The following SLCO3A1 variants were observed in gnomAD, a reference collection of about 807,000 sequenced individuals.
The protein encoded by SLCO3A1 is solute carrier organic anion transporter family member 3A1.
In SLCO3A1, 27 loss-of-function variants were observed where a neutral mutation model predicts 63.1. The observed-to-expected ratio is 0.43, with a 90% confidence interval of 0.32 to 0.59. SLCO3A1 has a LOEUF of 0.59. Ranked by LOEUF, SLCO3A1 falls within the 20% of genes least tolerant of loss-of-function variation. The pLI, the probability that SLCO3A1 is intolerant of heterozygous loss-of-function variation, is 0.09. For synonymous variants in SLCO3A1, 473 were observed against 409.9 expected, an observed-to-expected ratio of 1.15 and a Z score of -1.86; for missense variants, 773 against 945.8, an observed-to-expected ratio of 0.82 and a Z score of 2.40.
chr15:92,030,155 T>G (rs2151478801), intron 2 of SLCO3A1, among the ~76,000 whole-genome samples: 1 of 152,370 alleles, frequency 6.6e-6, no homozygotes, highest in Middle Eastern at 3.4e-3. Context: ...GTTGATTCTT[T>G]CTGTGTGTTT....
At chr15:91,945,220 T>C (rs1048515336) in intron 2 of SLCO3A1, among the ~76,000 whole-genome samples, 1 of 151,902 alleles carries the variant, frequency 6.6e-6, no homozygotes, top group Admixed American at 6.6e-5. Context: ...CGTGTGCCTG[T>C]AATCTCAGCT....
At chr15:91,855,177 G>C (rs187278255) in intron 1 of SLCO3A1, among the ~76,000 whole-genome samples, 1 of 152,202 alleles carries the variant, frequency 6.6e-6, no homozygotes, top group Non-Finnish European at 1.5e-5. Context: ...CACATCCAGA[G>C]ATAGAACCAC....
chr15:92,109,806 G>A (rs2047707424), intron 4 of SLCO3A1, among the ~76,000 whole-genome samples: 1 of 152,054 alleles, frequency 6.6e-6, no homozygotes, highest in Admixed American at 6.5e-5. Flanking sequence ...GGTGGCTGAT[G>A]GGGTGGTTAT....
intron 2 of SLCO3A1, among the ~76,000 whole-genome samples, chr15:92,028,529 A>G (rs1278469510): frequency 6.6e-6 from 1 of 152,174 alleles, no homozygotes; most frequent in Non-Finnish European, 1.5e-5. Context: ...CAGAGAGAAA[A>G]GATGAGGAGA....
intron 2 of SLCO3A1, among the ~76,000 whole-genome samples, chr15:91,976,761 G>A (rs1901129179): frequency 6.6e-6 from 1 of 152,164 alleles, no homozygotes; most frequent in Admixed American, 6.5e-5. Context: ...TGCCCCACAA[G>A]CCGCAAAAAC....
intron 2 of SLCO3A1, among the ~76,000 whole-genome samples, chr15:92,026,072 G>A (rs73534399): frequency 2.0e-5 from 3 of 152,138 alleles, no homozygotes; most frequent in Non-Finnish European, 4.4e-5. Flanking sequence ...GGGAGGCTTT[G>A]GTGCAGTTCT....
intron 7 of SLCO3A1, among the ~76,000 whole-genome samples, chr15:92,139,681 A>G (rs1233965438): frequency 6.6e-6 from 1 of 152,158 alleles, no homozygotes; most frequent in Non-Finnish European, 1.5e-5. Context: ...TCCGAGATTC[A>G]ACTTCTTCCT....
At chr15:91,887,268 C>T (rs1287386578) in intron 1 of SLCO3A1, among the ~76,000 whole-genome samples, 1 of 152,198 alleles carries the variant, frequency 6.6e-6, no homozygotes, top group African/African-American at 2.4e-5. Flanking sequence ...CTTCCCCCTT[C>T]CTCGGCCATT....
chr15:92,139,043 T>C (rs1175563532), intron 7 of SLCO3A1, among the ~76,000 whole-genome samples: 3 of 139,094 alleles, frequency 2.2e-5, no homozygotes. Flanking sequence ...AGGGCATCCC[T>C]GTCTTGTGCC....
intron 2 of SLCO3A1, among the ~76,000 whole-genome samples, chr15:92,007,410 C>T (rs1035002345): frequency 3.3e-5 from 5 of 152,102 alleles, no homozygotes; most frequent in African/African-American, 1.2e-4. Flanking sequence ...TACGTTGAAT[C>T]GGGGAAGACT....
chr15:92,091,571 C>T (rs2047476923), intron 2 of SLCO3A1, among the ~76,000 whole-genome samples: 1 of 152,216 alleles, frequency 6.6e-6, no homozygotes, highest in African/African-American at 2.4e-5. Context: ...TCTGAAGCTG[C>T]TCGTTTCAGT....
chr15:92,000,550 A>T (rs1172694750), intron 2 of SLCO3A1, among the ~76,000 whole-genome samples: 1 of 152,126 alleles, frequency 6.6e-6, no homozygotes, highest in East Asian at 1.9e-4. Flanking sequence ...AAAAAAAAGG[A>T]ATCAAAATAA....
chr15:92,155,566 A>G (rs758897317), intron 9 of SLCO3A1, among the ~76,000 whole-genome samples: 48 of 152,122 alleles, frequency 3.2e-4, no homozygotes, highest in Non-Finnish European at 5.6e-4. Flanking sequence ...TACATTCAGA[A>G]TTCTGCTTTA....
intron 8 of SLCO3A1, among the ~76,000 whole-genome samples, chr15:92,147,525 G>C (rs1222054614): frequency 1.3e-5 from 2 of 152,130 alleles, no homozygotes; most frequent in African/African-American, 4.8e-5. Flanking sequence ...CCATATGACC[G>C]TGGGCATTTT....
chr15:92,056,745 C>G (rs1358783918), intron 2 of SLCO3A1, among the ~76,000 whole-genome samples: 1 of 152,172 alleles, frequency 6.6e-6, no homozygotes, highest in Admixed American at 6.5e-5. Flanking sequence ...TTATCACTGT[C>G]CCCTGCCTAA....
rs1194913789 is a variant in SLCO3A1 at position 92,011,972 on chromosome 15, C to T, written c.647-82909C>T. On this transcript the variant is annotated intron_variant, in intron 2 of 9. Transcript: ENST00000318445. ...GACTGCTGCTTCTGAGTAAACTTGTCACAGCTGAAGGTGAGAGCCAGCGAA... is the reference window on the plus strand; with the variant it reads ...GACTGCTGCTTCTGAGTAAACTTGTTACAGCTGAAGGTGAGAGCCAGCGAA... Among the ~76,000 whole-genome samples, 5 of 152,252 alleles carry T rather than the reference C, an allele frequency of 3.3e-5. No homozygotes were observed. The South Asian group carries it at 8.3e-4, about 25-fold the overall frequency.
intron 1 of SLCO3A1, among the ~76,000 whole-genome samples, chr15:91,908,249 G>A (rs932744374): frequency 2.7e-5 from 4 of 147,738 alleles, no homozygotes; most frequent in African/African-American, 1.0e-4. Context: ...TTTTGGTGTA[G>A]ACTGGAGTTT....
intron 2 of SLCO3A1, among the ~76,000 whole-genome samples, chr15:91,965,072 C>A (rs947409268): frequency 6.6e-6 from 1 of 152,122 alleles, no homozygotes. Context: ...CAAACATACC[C>A]AGGGAGAGGG....
intron 6 of SLCO3A1, 38 bp downstream of exon 6, chr15:92,126,297 C>G (rs1235479904): frequency 1.3e-6 from 2 of 1,568,824 alleles, no homozygotes; most frequent in Non-Finnish European, 1.8e-6. Flanking sequence ...CCTGCCTGTT[C>G]AGGGACCCTA....
Sources: gnomAD v4.1 joint callset for allele counts (sites outside exome capture counted in the v4.1 genomes callset) on GRCh38, gnomAD v4.1.1 for gene constraint, MANE v1.5 for transcripts, NCBI Gene and HGNC (gene_info 2026-07-23, HGNC 2026-07-21) for gene names.